Variants in R3HCC1L observed in about 807,000 individuals in gnomAD.
R3HCC1L encodes R3H domain and coiled-coil containing 1 like, also known as coiled-coil domain-containing protein R3HCC1L.
In R3HCC1L, 51 loss-of-function variants were observed where a neutral mutation model predicts 59.9. The observed-to-expected ratio is 0.85, with a 90% CI of 0.68 to 1.07. The LOEUF is 1.07. R3HCC1L is among the 50% of genes least tolerant of loss of function. R3HCC1L has a pLI of 0.00. For synonymous variants in R3HCC1L, 322 were observed against 315.2 expected, an observed-to-expected ratio of 1.02 and a Z score of -0.23; for missense variants, 965 against 933.0, an observed-to-expected ratio of 1.03 and a Z score of -0.45.
intron 4 of R3HCC1L, among the ~76,000 whole-genome samples, chr10:98,205,931 T>C (rs943109493): frequency 1.3e-5 from 2 of 152,148 alleles, no homozygotes; most frequent in African/African-American, 2.4e-5. Context: ...GGTAATAACA[T>C]TGGAGAAATC....
At chr10:98,136,221 A>G (rs990187035) in intron 1 of R3HCC1L, among the ~76,000 whole-genome samples, 1 of 152,144 alleles carries the variant, frequency 6.6e-6, no homozygotes, top group African/African-American at 2.4e-5. Context: ...GTCTGTGTTT[A>G]TTCTGAATTT....
In R3HCC1L at chr10:98,206,106, T is replaced by C. The variant is rs181686340; in HGVS notation, c.-14-1995T>C. ...CAGGTATAAAGTTAGCTGTGGTTTTTCATTGAGACCTCTTTGGGCAAGAAT... is the reference window on the plus strand; with the variant it reads ...CAGGTATAAAGTTAGCTGTGGTTTTCCATTGAGACCTCTTTGGGCAAGAAT... On this transcript the variant is annotated intron_variant, in intron 4 of 9. Coordinates refer to ENST00000298999, the MANE Select transcript of R3HCC1L (RefSeq NM_001351015.2). Among the ~76,000 whole-genome samples the C allele has an allele frequency of 6.6e-5, 10 of 152,280 alleles. No individual in the cohort carries two copies. In the East Asian group the frequency reaches 1.7e-3, roughly 26 times the overall value.
At chr10:98,175,856 T>C (rs1348263508) in intron 4 of R3HCC1L, among the ~76,000 whole-genome samples, 1 of 152,172 alleles carries the variant, frequency 6.6e-6, no homozygotes, top group Non-Finnish European at 1.5e-5. Flanking sequence ...AAACCTTTGC[T>C]AAACCAAAAA....
intron 9 of R3HCC1L, among the ~76,000 whole-genome samples, chr10:98,243,864 C>T (rs1857800251): frequency 6.6e-6 from 1 of 152,076 alleles, no homozygotes; most frequent in Non-Finnish European, 1.5e-5. Flanking sequence ...CTTCTATTAG[C>T]CTCAGATATT....
At chr10:98,151,030 G>A (rs1408934388) in intron 1 of R3HCC1L, among the ~76,000 whole-genome samples, 1 of 152,154 alleles carries the variant, frequency 6.6e-6, no homozygotes, top group Admixed American at 6.5e-5. Flanking sequence ...GGGGCATCAT[G>A]GTTATGGAAG....
At chr10:98,177,117 G>T (rs893609604) in intron 4 of R3HCC1L, among the ~76,000 whole-genome samples, 2 of 151,942 alleles carry the variant, frequency 1.3e-5, no homozygotes, top group Non-Finnish European at 2.9e-5. Context: ...TGCTATGTTG[G>T]TTTGCTGCAC....
chr10:98,224,601 T>A (rs1855459723), intron 5 of R3HCC1L, among the ~76,000 whole-genome samples: 1 of 152,224 alleles, frequency 6.6e-6, no homozygotes, highest in South Asian at 2.1e-4. Context: ...TATGAAGGAA[T>A]ACTCACATAT....
At chr10:98,203,430 CAATA>C (rs1852261579) in intron 4 of R3HCC1L, among the ~76,000 whole-genome samples, 1 of 152,070 alleles carries the variant, frequency 6.6e-6, no homozygotes, top group Non-Finnish European at 1.5e-5. Flanking sequence ...AATGTTAAGA[CAATA>C]TATATAGTTT....
intron 8 of R3HCC1L, 33 bp downstream of exon 8, chr10:98,235,553 T>C (rs377027325): frequency 7.2e-6 from 11 of 1,521,132 alleles, no homozygotes; most frequent in African/African-American, 1.4e-5. Context: ...TTTTTCTTGC[T>C]GATGGTGGTA....
At chr10:98,158,932 G>A (rs1384794051) in intron 2 of R3HCC1L, among the ~76,000 whole-genome samples, 2 of 150,966 alleles carry the variant, frequency 1.3e-5, no homozygotes, top group Admixed American at 6.6e-5. Context: ...TGAGCCTCCT[G>A]AGTAGCTGGC....
chr10:98,200,810 A>G (rs1051815960), intron 4 of R3HCC1L, among the ~76,000 whole-genome samples: 1 of 152,202 alleles, frequency 6.6e-6, no homozygotes. Flanking sequence ...AGAAACTAGA[A>G]TAGACCTTTA....
chr10:98,213,291 T>C (rs1718134745), intron 5 of R3HCC1L, among the ~76,000 whole-genome samples: 1 of 152,216 alleles, frequency 6.6e-6, no homozygotes, highest in Non-Finnish European at 1.5e-5. Flanking sequence ...TAGCTAGATA[T>C]GTGTTGTTAT....
In R3HCC1L at chr10:98,181,683, A is replaced by C. The variant is rs1177300636; in HGVS notation, c.-15+18286A>C. Among the ~76,000 whole-genome samples the C allele has an allele frequency of 2.6e-5, 4 of 152,236 alleles. No individual in the cohort carries two copies. In the East Asian group the frequency reaches 7.7e-4, roughly 29 times the overall value. The stretch of plus-strand genomic sequence containing the variant: ...AAACGTAGATTTGGTCTTTTCACAT[A>C]GTCCCATATTTCCTGGAGCCTTTGT... On this transcript the variant is annotated intron_variant, in intron 4 of 9. Coordinates refer to ENST00000298999, the MANE Select transcript of R3HCC1L (RefSeq NM_001351015.2).
At chr10:98,160,301 A>T (rs1429112603) in intron 2 of R3HCC1L, among the ~76,000 whole-genome samples, 1 of 152,242 alleles carries the variant, frequency 6.6e-6, no homozygotes, top group African/African-American at 2.4e-5. Context: ...AGCCACATGA[A>T]TAGAGATGTG....
chr10:98,162,091 C>A (rs779944920), intron 2 of R3HCC1L, among the ~76,000 whole-genome samples: 1 of 151,722 alleles, frequency 6.6e-6, no homozygotes, highest in Non-Finnish European at 1.5e-5. Flanking sequence ...TTTAACTCCT[C>A]GATAAATTCT....
At chr10:98,239,887 G>A (rs920768601) in intron 9 of R3HCC1L, among the ~76,000 whole-genome samples, 2 of 152,010 alleles carry the variant, frequency 1.3e-5, no homozygotes, top group South Asian at 2.1e-4. Context: ...GTAGTGATGG[G>A]GTCTCTCTGT....
At chr10:98,200,051 C>T (rs936437504) in intron 4 of R3HCC1L, among the ~76,000 whole-genome samples, 1 of 152,016 alleles carries the variant, frequency 6.6e-6, no homozygotes, top group East Asian at 1.9e-4. Context: ...AATTCTTATT[C>T]TATCATCGTC....
At chr10:98,231,213 C>A (rs1856343828) in intron 5 of R3HCC1L, among the ~76,000 whole-genome samples, 1 of 152,160 alleles carries the variant, frequency 6.6e-6, no homozygotes, top group Non-Finnish European at 1.5e-5. Context: ...TTATAACTCA[C>A]AACAGTATTC....
At chr10:98,200,527 A>T (rs780488512) in intron 4 of R3HCC1L, among the ~76,000 whole-genome samples, 14 of 152,144 alleles carry the variant, frequency 9.2e-5, no homozygotes, top group Non-Finnish European at 2.9e-5. Context: ...CAGTGTGCCT[A>T]TAAGTCTGTT....
Sources: allele counts gnomAD v4.1 joint callset (sites outside exome capture counted in the v4.1 genomes callset), GRCh38; gene constraint gnomAD v4.1.1; transcripts MANE v1.5; gene names NCBI Gene and HGNC (gene_info 2026-07-23, HGNC 2026-07-21).